Variants in RPS6KC1 observed in about 807,000 individuals in gnomAD.
The protein encoded by RPS6KC1 is ribosomal protein S6 kinase C1, also known as inactive ribosomal protein S6 kinase delta-1.
In RPS6KC1, 54 loss-of-function variants were observed where a neutral mutation model predicts 103.8. The ratio of observed to expected loss-of-function variants is 0.52; its 90% confidence interval spans 0.42 to 0.65. The LOEUF is 0.65. Ranked by LOEUF, RPS6KC1 falls within the 30% of genes least tolerant of loss-of-function variation. The pLI is 0.00. For synonymous variants in RPS6KC1, 439 were observed against 438.7 expected, an observed-to-expected ratio of 1.00 and a Z score of -0.01; for missense variants, 1,151 against 1,253.8, an observed-to-expected ratio of 0.92 and a Z score of 1.24.
At chr1:213,756,156 A>G in the RPS6KC1 span, among the ~76,000 whole-genome samples, 3,217 of 152,316 alleles carry the variant, frequency 0.021, 118 homozygotes, top group African/African-American at 0.073. Context: ...GTTTTGTACT[A>G]CTACTTATCC....
In RPS6KC1 at chr1:213,097,689, C is replaced by A. The variant is rs191440636; in HGVS notation, c.263-6765C>A. Among the ~76,000 whole-genome samples the A allele has an allele frequency of 3.3e-5, 5 of 152,314 alleles. No homozygotes were observed. The East Asian group carries it at 5.8e-4, about 18-fold the overall frequency. On this transcript the variant is annotated intron_variant, in intron 3 of 14. Coordinates refer to ENST00000366960, the MANE Select transcript of RPS6KC1 (RefSeq NM_012424.6). Reference sequence around the variant, plus strand: ...TTCCAAAAGAAGGCTGTTTTATCTCCATTAAAAATCTGTTCTTTAGTGTAG... The same window carrying A: ...TTCCAAAAGAAGGCTGTTTTATCTCAATTAAAAATCTGTTCTTTAGTGTAG...
chr1:213,532,730 C>T, the RPS6KC1 span, among the ~76,000 whole-genome samples: 3 of 152,116 alleles, frequency 2.0e-5, no homozygotes, highest in African/African-American at 4.8e-5. Context: ...GGCTCCTTGC[C>T]GGCCTTCAGA....
chr1:213,420,877 T>A, the RPS6KC1 span, among the ~76,000 whole-genome samples: 1 of 152,156 alleles, frequency 6.6e-6, no homozygotes, highest in Non-Finnish European at 1.5e-5. Context: ...CACGCCTCTC[T>A]CCTGGCTTCT....
chr1:213,675,002 T>G, the RPS6KC1 span, among the ~76,000 whole-genome samples: 1 of 152,214 alleles, frequency 6.6e-6, no homozygotes, highest in South Asian at 2.1e-4. Flanking sequence ...TTTTGCTTGC[T>G]GAATTGTTTA....
chr1:213,817,186 G>T, the RPS6KC1 span, among the ~76,000 whole-genome samples: 2 of 152,126 alleles, frequency 1.3e-5, no homozygotes. Context: ...TGGGACCCTG[G>T]CAGTGGCTCC....
At chr1:213,393,407 C>G in the RPS6KC1 span, among the ~76,000 whole-genome samples, 1 of 152,182 alleles carries the variant, frequency 6.6e-6, no homozygotes, top group African/African-American at 2.4e-5. Context: ...TGTCTTTTCT[C>G]CCTTCACTCC....
the RPS6KC1 span, among the ~76,000 whole-genome samples, chr1:213,611,753 G>A: frequency 6.6e-6 from 1 of 152,076 alleles, no homozygotes; most frequent in East Asian, 1.9e-4. Context: ...CTCAAGTCTT[G>A]GATGATTCTC....
the RPS6KC1 span, among the ~76,000 whole-genome samples, chr1:213,659,637 G>GTT: frequency 1.4e-5 from 2 of 142,684 alleles, no homozygotes; most frequent in Non-Finnish European, 3.1e-5. Context: ...TGTATTCAGG[G>GTT]TTTTTTTTTT....
the RPS6KC1 span, among the ~76,000 whole-genome samples, chr1:213,591,586 C>G: frequency 6.6e-6 from 1 of 152,284 alleles, no homozygotes; most frequent in Non-Finnish European, 1.5e-5. Flanking sequence ...GGGATGGAGT[C>G]CCTGTTGCCA....
the RPS6KC1 span, among the ~76,000 whole-genome samples, chr1:213,677,062 A>T: frequency 3.9e-5 from 6 of 152,222 alleles, no homozygotes; most frequent in Admixed American, 2.6e-4. Flanking sequence ...GATCCATACG[A>T]TGCAGTTCCA....
chr1:213,861,919 C>T, the RPS6KC1 span, among the ~76,000 whole-genome samples: 62 of 152,150 alleles, frequency 4.1e-4, no homozygotes, highest in African/African-American at 1.5e-3. Context: ...GCTCCCTTTC[C>T]AGTGCCACCA....
chr1:213,526,216 C>T, the RPS6KC1 span, among the ~76,000 whole-genome samples: 1 of 152,110 alleles, frequency 6.6e-6, no homozygotes, highest in African/African-American at 2.4e-5. Context: ...ATATTCTCTT[C>T]CATTTGCAAT....
At chr1:213,684,021 G>A in the RPS6KC1 span, among the ~76,000 whole-genome samples, 1 of 152,160 alleles carries the variant, frequency 6.6e-6, no homozygotes, top group Non-Finnish European at 1.5e-5. Flanking sequence ...CAGCCTTGAA[G>A]CATGTAGGGT....
At chr1:213,072,880 G>C (rs979496065) in intron 2 of RPS6KC1, 20 of 963,748 alleles carry the variant, frequency 2.1e-5, no homozygotes, top group Non-Finnish European at 2.1e-5. Context: ...GGAGAATCCT[G>C]AACCAACCTA....
the RPS6KC1 span, among the ~76,000 whole-genome samples, chr1:213,331,453 C>T: frequency 2.6e-5 from 4 of 152,184 alleles, no homozygotes; most frequent in Admixed American, 1.3e-4. Flanking sequence ...GACGAGTCAA[C>T]GGTTAATTGA....
Position 213,207,648 on chromosome 1 carries a change from C to T in RPS6KC1, c.1045-22849C>T, listed in dbSNP as rs138303907. On this transcript the variant is annotated intron_variant, in intron 8 of 14. Coordinates refer to ENST00000366960, the MANE Select transcript of RPS6KC1 (RefSeq NM_012424.6). ...TTTGTGTGGCTCCCCTGCACATGTGCGTGTTTATAAATTTATATACCTTTT... is the reference window on the plus strand; with the variant it reads ...TTTGTGTGGCTCCCCTGCACATGTGTGTGTTTATAAATTTATATACCTTTT... 5.2e-3 allele frequency among the ~76,000 whole-genome samples: 793 copies of T among 152,002 alleles called. 10 individuals carry two copies. The highest frequency in any genetic ancestry group is 0.018 in the African/African-American group (726 of 41,476).
chr1:213,250,695 T>C (rs2094530197), intron 12 of RPS6KC1, among the ~76,000 whole-genome samples: 1 of 152,184 alleles, frequency 6.6e-6, no homozygotes, highest in African/African-American at 2.4e-5. Context: ...TATTAAACTT[T>C]GATGTTTTAG....
intron 8 of RPS6KC1, among the ~76,000 whole-genome samples, chr1:213,178,274 T>A (rs1161533520): frequency 2.6e-5 from 4 of 151,062 alleles, no homozygotes; most frequent in Non-Finnish European, 5.9e-5. Flanking sequence ...GTGTGGTGGC[T>A]CATGCCTGTA....
chr1:213,067,612 A>T (rs1174890933), intron 1 of RPS6KC1, among the ~76,000 whole-genome samples: 1 of 152,050 alleles, frequency 6.6e-6, no homozygotes, highest in Non-Finnish European at 1.5e-5. Flanking sequence ...CTCTACTGTT[A>T]TCTGAGGTAT....
Sources: gnomAD v4.1 joint callset for allele counts (sites outside exome capture counted in the v4.1 genomes callset) on GRCh38, gnomAD v4.1.1 for gene constraint, MANE v1.5 for transcripts, NCBI Gene and HGNC (gene_info 2026-07-23, HGNC 2026-07-21) for gene names.